GPAT4: variants seen among roughly 807,000 people sequenced by gnomAD.
The protein encoded by GPAT4 is 1-AGP acyltransferase 6.
In GPAT4, 17 loss-of-function variants were observed where a neutral mutation model predicts 58.0. The observed-to-expected ratio is 0.29, with a 90% CI of 0.20 to 0.44. The LOEUF is 0.44. Ranked by LOEUF, GPAT4 falls within the 20% of genes least tolerant of loss-of-function variation. GPAT4 has a pLI of 1.00. For missense variants in GPAT4, 377 were observed against 574.5 expected (o/e 0.66, Z 3.51); for synonymous variants, 204 against 210.1 (o/e 0.97, Z 0.25).
intron 2 of GPAT4, among the ~76,000 whole-genome samples, chr8:41,602,817 A>G (rs2150495329): frequency 6.6e-6 from 1 of 152,280 alleles, no homozygotes; most frequent in South Asian, 2.1e-4. Context: ...AACCATGTCC[A>G]GGCACCAGCA....
In GPAT4 at chr8:41,618,492, C is replaced by G. The variant is rs1030364974; in HGVS notation, c.1054-192C>G. ...GATCTGTAGCAGAGGCCGGGTTCCT[C>G]GGGGGAGATCAGTGTTGCTCACAGT... On this transcript the variant is annotated intron_variant, in intron 10 of 12. Coordinates refer to ENST00000396987, the MANE Select transcript of GPAT4 (RefSeq NM_178819.4). 7 of 687,082 alleles carry G rather than the reference C, an allele frequency of 1.0e-5. No homozygotes were observed. In the Admixed American group the frequency reaches 1.8e-4, roughly 18 times the overall value. 42.6% of individuals were successfully genotyped at this position (687,082 alleles called of 1,614,324 possible).
chr8:41,617,144 T>C (rs1034287936), intron 10 of GPAT4, among the ~76,000 whole-genome samples: 1 of 152,166 alleles, frequency 6.6e-6, no homozygotes, highest in African/African-American at 2.4e-5. Flanking sequence ...GGTGGATCAC[T>C]TGAGGCCAGG....
intron 2 of GPAT4, among the ~76,000 whole-genome samples, chr8:41,604,371 T>C (rs955660970): frequency 2.6e-5 from 4 of 152,158 alleles, no homozygotes; most frequent in Admixed American, 2.6e-4. Context: ...AGGATATGGG[T>C]GGATCAATAT....
intron 8 of GPAT4, 69 bp from the exon 9 acceptor site, chr8:41,614,313 GGTTA>G (rs762967839): frequency 2.4e-5 from 30 of 1,268,442 alleles, no homozygotes; most frequent in Non-Finnish European, 3.2e-5. Flanking sequence ...CAAATAAATA[GGTTA>G]TTTATAAACA....
chr8:41,582,177 T>A (rs1308847365), intron 1 of GPAT4, among the ~76,000 whole-genome samples: 1 of 151,372 alleles, frequency 6.6e-6, no homozygotes, highest in African/African-American at 2.4e-5. Context: ...TTAATTTTTG[T>A]ATTTTTAGTA....
At chr8:41,608,607 G>A (rs1270639069) in intron 2 of GPAT4, among the ~76,000 whole-genome samples, 1 of 152,238 alleles carries the variant, frequency 6.6e-6, no homozygotes, top group African/African-American at 2.4e-5. Context: ...TCCAGAATCT[G>A]TGTTATTTCG....
At chr8:41,596,554 A>G (rs1484460100) in intron 1 of GPAT4, among the ~76,000 whole-genome samples, 1 of 152,238 alleles carries the variant, frequency 6.6e-6, no homozygotes, top group Non-Finnish European at 1.5e-5. Context: ...GTGTTCAGCC[A>G]CTGCGTTGAT....
intron 2 of GPAT4, among the ~76,000 whole-genome samples, chr8:41,605,320 T>G (rs777738769): frequency 3.3e-5 from 5 of 152,214 alleles, no homozygotes; most frequent in Non-Finnish European, 5.9e-5. Flanking sequence ...AGAGGTGAAT[T>G]CTGATTGCAG....
chr8:41,612,464 GGAGA>G (rs1803472884), intron 7 of GPAT4, among the ~76,000 whole-genome samples, 191 bp downstream of exon 7: 1 of 152,218 alleles, frequency 6.6e-6, no homozygotes, highest in Non-Finnish European at 1.5e-5. Context: ...GAGTGTGGCT[GGAGA>G]GGATGCCAAG....
At chr8:41,583,373 G>GAATATAA (rs1802574646) in intron 1 of GPAT4, among the ~76,000 whole-genome samples, 1 of 151,290 alleles carries the variant, frequency 6.6e-6, no homozygotes, top group South Asian at 2.1e-4. Flanking sequence ...CCAGCTGCTG[G>GAATATAA]TATCTATTAT....
intron 10 of GPAT4, among the ~76,000 whole-genome samples, chr8:41,617,058 G>A (rs938463958): frequency 1.3e-5 from 2 of 152,140 alleles, no homozygotes; most frequent in African/African-American, 4.8e-5. Flanking sequence ...TCCATATCAG[G>A]CTTTATAAAA....
chr8:41,586,918 C>T (rs1487407313), intron 1 of GPAT4, among the ~76,000 whole-genome samples: 1 of 152,212 alleles, frequency 6.6e-6, no homozygotes, highest in Non-Finnish European at 1.5e-5. Context: ...ATTGTACCTG[C>T]AGAGATTCTA....
chr8:41,615,574 C>T (rs1169636214), intron 10 of GPAT4, among the ~76,000 whole-genome samples: 1 of 152,124 alleles, frequency 6.6e-6, no homozygotes, highest in Non-Finnish European at 1.5e-5. Flanking sequence ...ATCTAGTCTA[C>T]GTCGACCCTT....
intron 8 of GPAT4, among the ~76,000 whole-genome samples, chr8:41,613,410 G>A (rs998806374): frequency 6.6e-6 from 1 of 151,560 alleles, no homozygotes; most frequent in African/African-American, 2.4e-5. Context: ...AGAAACCCTA[G>A]TATTATTTAC....
intron 1 of GPAT4, among the ~76,000 whole-genome samples, chr8:41,588,689 CACTG>C (rs1802716414): frequency 6.6e-6 from 1 of 152,234 alleles, no homozygotes; most frequent in Non-Finnish European, 1.5e-5. Context: ...GTCTGGCACA[CACTG>C]TGTGCCCAGT....
At position 41,611,894 on chromosome 8, in the gene GPAT4, T is replaced by C; in HGVS notation, c.612-9T>C. 6.2e-7 allele frequency: 1 copy of C among 1,613,550 alleles called. No homozygotes were observed. The highest frequency in any genetic ancestry group is 1.3e-5 in the African/African-American group (1 of 75,044). Reference sequence around the variant, plus strand: ...AATAAAACCCAGAATCCTTGTCCTGTTATTGCAGGTTTAAGGAGTTCATGA... The same window carrying C: ...AATAAAACCCAGAATCCTTGTCCTGCTATTGCAGGTTTAAGGAGTTCATGA... On this transcript the variant is annotated splice_polypyrimidine_tract_variant and intron_variant, in intron 5 of 12. Transcript: ENST00000396987.
chr8:41,596,247 C>T (rs190508924), intron 1 of GPAT4, among the ~76,000 whole-genome samples: 152 of 152,086 alleles, frequency 1.0e-3, no homozygotes, highest in Admixed American at 2.0e-3. Flanking sequence ...CAAAACACCA[C>T]GCTCACCCCA....
At position 41,624,320 on chromosome 8, in the gene GPAT4, C is replaced by T. The variant is rs1803848476; in HGVS notation, c.*3319C>T. 6.6e-6 allele frequency: 1 copy of T among 152,238 alleles called. No individual in the cohort carries two copies. Among genetic ancestry groups the T allele is most frequent in the Non-Finnish European group, 1.5e-5 (1 of 68,060 alleles). The allele number at this position is 152,238 out of a possible 1,614,324, so 9.4% of individuals were successfully genotyped here. ...ATGCCCTTCCCAGACCAGTGACAGG[C>T]ATTTTTGGGTGCCATCGTGTGACCT... On this transcript the variant is annotated 3_prime_UTR_variant, in exon 13 of 13. Transcript: ENST00000396987.
intron 1 of GPAT4, among the ~76,000 whole-genome samples, chr8:41,583,232 AT>A (rs201816950): frequency 0.02 from 2,990 of 152,076 alleles, 80 homozygotes; most frequent in African/African-American, 0.066. Context: ...CAAAAAAAAA[AT>A]AATATATATA....
Sources: gnomAD v4.1 joint callset for allele counts (sites outside exome capture counted in the v4.1 genomes callset) on GRCh38, gnomAD v4.1.1 for gene constraint, MANE v1.5 for transcripts, NCBI Gene and HGNC (gene_info 2026-07-23, HGNC 2026-07-21) for gene names.